Variants in JAZF1 observed in about 807,000 individuals in gnomAD.
JAZF1 encodes JAZF zinc finger 1.
JAZF1 carries 8 observed loss-of-function variants against 26.4 expected under a neutral mutation model. The observed-to-expected ratio is 0.30, with a 90% CI of 0.18 to 0.55. JAZF1 has a LOEUF of 0.55. JAZF1 is among the 20% of genes least tolerant of loss of function. The pLI is 0.94. For synonymous variants in JAZF1, 126 were observed against 122.3 expected (o/e 1.03, Z -0.20); for missense variants, 199 against 322.0 (o/e 0.62, Z 2.92).
chr7:27,917,966 C>T lies in JAZF1; in HGVS notation c.189-22550G>A, dbSNP rs924806368. ...TCTTTGTTCCCCTTGAGGTTACATACGGGCAGATGACTTGATTTAGAGAAT... is the reference window on the plus strand; with the variant it reads ...TCTTTGTTCCCCTTGAGGTTACATATGGGCAGATGACTTGATTTAGAGAAT... On this transcript the variant is annotated intron_variant, in intron 2 of 4. Coordinates refer to ENST00000283928, the MANE Select transcript of JAZF1 (RefSeq NM_175061.4). Among the ~76,000 whole-genome samples the T allele has an allele frequency of 5.3e-5, 8 of 152,134 alleles. No homozygotes were observed. In the South Asian group the frequency reaches 6.2e-4, roughly 12 times the overall value.
At chr7:28,103,879 C>CATCCTGTCA (rs1286964026) in intron 1 of JAZF1, among the ~76,000 whole-genome samples, 1 of 152,186 alleles carries the variant, frequency 6.6e-6, no homozygotes, top group East Asian at 1.9e-4. Flanking sequence ...ATGAAAGCAC[C>CATCCTGTCA]CATTCATCCA....
chr7:28,049,981 C>T (rs935121889), intron 1 of JAZF1, among the ~76,000 whole-genome samples: 1 of 152,104 alleles, frequency 6.6e-6, no homozygotes, highest in Non-Finnish European at 1.5e-5. Flanking sequence ...TCTCCCCTCC[C>T]TAAGGCTGGC....
At chr7:27,845,696 CAAAA>C (rs796643520) in intron 3 of JAZF1, among the ~76,000 whole-genome samples, 1 of 51,124 alleles carries the variant, frequency 2.0e-5, no homozygotes. Flanking sequence ...GACTCTGCCT[CAAAA>C]AAAAAAAAAA....
At chr7:28,155,091 C>G (rs1348814567) in intron 1 of JAZF1, among the ~76,000 whole-genome samples, 2 of 152,128 alleles carry the variant, frequency 1.3e-5, no homozygotes, top group Non-Finnish European at 2.9e-5. Context: ...ACTCTGCAAT[C>G]ACATCAGTCA....
At chr7:27,926,313 G>A (rs1045276461) in intron 2 of JAZF1, among the ~76,000 whole-genome samples, 11 of 152,190 alleles carry the variant, frequency 7.2e-5, no homozygotes, top group African/African-American at 2.4e-4. Flanking sequence ...CCAAATAGCA[G>A]CTAATCCTTG....
intron 2 of JAZF1, 50 bp from the exon 3 acceptor site, chr7:27,895,466 G>A: frequency 7.5e-7 from 1 of 1,341,914 alleles, no homozygotes; most frequent in Non-Finnish European, 1.0e-6. Flanking sequence ...TAGAGCATGA[G>A]GACTGATGAC....
chr7:28,016,264 CACTT>C (rs1278199466), intron 1 of JAZF1, among the ~76,000 whole-genome samples: 1 of 152,162 alleles, frequency 6.6e-6, no homozygotes, highest in African/African-American at 2.4e-5. Flanking sequence ...TGCATCAAGT[CACTT>C]ACTTACCTCT....
At chr7:27,927,098 C>T (rs1253519936) in intron 2 of JAZF1, among the ~76,000 whole-genome samples, 1 of 152,154 alleles carries the variant, frequency 6.6e-6, no homozygotes, top group African/African-American at 2.4e-5. Context: ...CTGTTATCTT[C>T]TAGAAGTTGA....
intron 4 of JAZF1, among the ~76,000 whole-genome samples, chr7:27,835,026 C>T (rs980073182): frequency 2.0e-5 from 3 of 152,134 alleles, no homozygotes; most frequent in Non-Finnish European, 4.4e-5. Context: ...TATAGCTCAA[C>T]GAATATTGAG....
intron 1 of JAZF1, among the ~76,000 whole-genome samples, chr7:28,166,183 G>C (rs904842604): frequency 6.6e-6 from 1 of 152,002 alleles, no homozygotes; most frequent in Non-Finnish European, 1.5e-5. Flanking sequence ...AATAAGCCTG[G>C]ACCAGCTGCT....
At chr7:28,029,225 C>T (rs1583518122) in intron 1 of JAZF1, among the ~76,000 whole-genome samples, 2 of 152,092 alleles carry the variant, frequency 1.3e-5, no homozygotes, top group East Asian at 3.8e-4. Flanking sequence ...AAATTTACTT[C>T]CTACAAAACC....
intron 1 of JAZF1, among the ~76,000 whole-genome samples, chr7:28,033,902 C>T (rs913838757): frequency 1.3e-5 from 2 of 152,070 alleles, no homozygotes; most frequent in Admixed American, 6.5e-5. Flanking sequence ...CCACTATGCC[C>T]GGCTAATTTT....
At chr7:27,980,336 C>T (rs1235200897) in intron 2 of JAZF1, among the ~76,000 whole-genome samples, 1 of 152,152 alleles carries the variant, frequency 6.6e-6, no homozygotes, top group Non-Finnish European at 1.5e-5. Flanking sequence ...AGCTGATGTC[C>T]ATTAAGTCAT....
chr7:27,862,935 T>A (rs1371459006), intron 3 of JAZF1, among the ~76,000 whole-genome samples: 1 of 152,150 alleles, frequency 6.6e-6, no homozygotes, highest in Non-Finnish European at 1.5e-5. Context: ...TGGGGTCAGC[T>A]CCTTTCCTTT....
At chr7:27,935,194 T>C (rs1784747408) in intron 2 of JAZF1, among the ~76,000 whole-genome samples, 1 of 152,152 alleles carries the variant, frequency 6.6e-6, no homozygotes, top group African/African-American at 2.4e-5. Flanking sequence ...AAACAGACAA[T>C]AATAAGTGTT....
chr7:28,159,648 G>A (rs1445475508), intron 1 of JAZF1, among the ~76,000 whole-genome samples: 1 of 152,134 alleles, frequency 6.6e-6, no homozygotes, highest in Non-Finnish European at 1.5e-5. Flanking sequence ...CTAGGGTGGT[G>A]GAGAAAGTAG....
chr7:28,094,891 G>A (rs1415464127), intron 1 of JAZF1, among the ~76,000 whole-genome samples: 2 of 152,016 alleles, frequency 1.3e-5, no homozygotes, highest in Non-Finnish European at 2.9e-5. Flanking sequence ...TCCTACCAAA[G>A]CTCCCTTAGT....
chr7:28,022,783 T>C (rs3886551), intron 1 of JAZF1, among the ~76,000 whole-genome samples: 137,005 of 152,214 alleles, frequency 0.9, 62,366 homozygotes, highest in African/African-American at 0.98. Context: ...TGTTTTGAGA[T>C]GGAGTCTCTG....
intron 1 of JAZF1, among the ~76,000 whole-genome samples, chr7:28,129,360 T>C (rs912396574): frequency 4.6e-5 from 7 of 152,224 alleles, no homozygotes; most frequent in Middle Eastern, 3.4e-3. Flanking sequence ...GAATCTCAAA[T>C]GTAACTGCAC....
Sources: allele counts gnomAD v4.1 joint callset (sites outside exome capture counted in the v4.1 genomes callset), GRCh38; gene constraint gnomAD v4.1.1; transcripts MANE v1.5; gene names NCBI Gene and HGNC (gene_info 2026-07-23, HGNC 2026-07-21).